CCN4: variants seen among roughly 807,000 people sequenced by gnomAD.
CCN4 encodes cellular communication network factor 4, also known as CCN family member 4.
In CCN4, 30 loss-of-function variants were observed where a neutral mutation model predicts 36.7. That is an observed-to-expected ratio of 0.82 (90% CI 0.61 to 1.11). The LOEUF is 1.11. Ranked by LOEUF, CCN4 falls within the 50% of genes least tolerant of loss-of-function variation. CCN4 has a pLI of 0.00. For synonymous variants in CCN4, 191 were observed against 195.4 expected (o/e 0.98, Z 0.19); for missense variants, 505 against 504.9 (o/e 1.00, Z 0.00).
intron 1 of CCN4, among the ~76,000 whole-genome samples, chr8:133,196,017 G>A (rs1853369826): frequency 6.6e-6 from 1 of 152,200 alleles, no homozygotes; most frequent in Non-Finnish European, 1.5e-5. Flanking sequence ...ACCACAACCA[G>A]GAAGCAAAGC....
In CCN4 at chr8:133,225,477, G is replaced by T; in HGVS notation, c.698G>T (p.Gly233Val). Residue 233 changes from glycine (G) to valine (V), a missense_variant, in exon 4 of 5, where the codon GGG (glycine) becomes GTG (valine). Coordinates refer to ENST00000250160, the MANE Select transcript of CCN4 (RefSeq NM_003882.4). ...CCTTGCTCCACCAGCTGCGGCCTGG[G>T]GGTCTCCACTCGGATCTCCAATGTT... ...WSPCSTSCGL[G>V]VSTRISNVNA... 6.2e-7 allele frequency: 1 copy of T among 1,614,124 alleles called. No homozygotes were observed. Among genetic ancestry groups the T allele is most frequent in the Non-Finnish European group, 8.5e-7 (1 of 1,180,004 alleles).
At chr8:133,225,330 G>A (rs1003432151) in intron 3 of CCN4, 60 bp from the exon 4 acceptor site, 13 of 1,501,328 alleles carry the variant, frequency 8.7e-6, no homozygotes, top group Non-Finnish European at 1.2e-5. Flanking sequence ...TGTGGTGAAA[G>A]TGAGGGTTGG....
intron 1 of CCN4, among the ~76,000 whole-genome samples, chr8:133,194,231 T>G (rs920263567): frequency 6.8e-6 from 1 of 147,390 alleles, no homozygotes; most frequent in Non-Finnish European, 1.5e-5. Context: ...GTGTGTGGGG[T>G]GGGGTGTGTT....
intron 1 of CCN4, among the ~76,000 whole-genome samples, chr8:133,208,827 C>T (rs559160176): frequency 6.6e-6 from 1 of 152,322 alleles, no homozygotes; most frequent in South Asian, 2.1e-4. Context: ...GCTTGGCTCT[C>T]ACACTGCATC....
chr8:133,201,943 C>T (rs985975754), intron 1 of CCN4, among the ~76,000 whole-genome samples: 13 of 152,058 alleles, frequency 8.5e-5, no homozygotes, highest in South Asian at 2.1e-4. Context: ...TCAAAGCTGC[C>T]GATGCGTATG....
intron 1 of CCN4, among the ~76,000 whole-genome samples, chr8:133,194,729 A>ATTTT (rs1853291039): frequency 4.9e-5 from 1 of 20,310 alleles, no homozygotes; most frequent in Non-Finnish European, 8.6e-5. Flanking sequence ...GGATGTGTGT[A>ATTTT]GTGTGTGTGT....
chr8:133,209,259 T>C (rs4330674), intron 1 of CCN4, among the ~76,000 whole-genome samples: 85,803 of 152,004 alleles, frequency 0.56, 24,700 homozygotes, highest in East Asian at 0.82. Context: ...CAGACCCAAA[T>C]CCTAGGTAAG....
chr8:133,225,980 A>G (rs1304626827), intron 4 of CCN4, among the ~76,000 whole-genome samples: 1 of 152,196 alleles, frequency 6.6e-6, no homozygotes, highest in African/African-American at 2.4e-5. Context: ...CCCTAGAGTC[A>G]AATGTCTGCT....
chr8:133,194,816 G>A (rs992329570), intron 1 of CCN4, among the ~76,000 whole-genome samples: 1 of 142,664 alleles, frequency 7.0e-6, no homozygotes, highest in African/African-American at 2.6e-5. Flanking sequence ...ATTGTGTGTG[G>A]TGTGTGTGGT....
intron 2 of CCN4, among the ~76,000 whole-genome samples, chr8:133,217,509 G>C (rs1188972901): frequency 6.6e-6 from 1 of 152,192 alleles, no homozygotes; most frequent in Non-Finnish European, 1.5e-5. Flanking sequence ...TGATTAGTTA[G>C]AAACTTAATG....
chr8:133,209,360 T>C (rs1452713960), intron 1 of CCN4, among the ~76,000 whole-genome samples: 1 of 152,232 alleles, frequency 6.6e-6, no homozygotes, highest in Non-Finnish European at 1.5e-5. Context: ...GCAGTCCTCA[T>C]GCCCTGGGGT....
At chr8:133,197,528 C>G (rs56387614) in intron 1 of CCN4, among the ~76,000 whole-genome samples, 13,141 of 152,170 alleles carry the variant, frequency 0.086, 1,844 homozygotes, top group African/African-American at 0.29. Flanking sequence ...GTCTCCCCCC[C>G]AGCTCTGACA....
At chr8:133,206,017 G>T (rs1180729032) in intron 1 of CCN4, among the ~76,000 whole-genome samples, 1 of 152,170 alleles carries the variant, frequency 6.6e-6, no homozygotes, top group East Asian at 1.9e-4. Flanking sequence ...GCCAGGTGTG[G>T]CTTAGGGGCC....
At chr8:133,197,655 T>A (rs1227878775) in intron 1 of CCN4, among the ~76,000 whole-genome samples, 2 of 152,056 alleles carry the variant, frequency 1.3e-5, no homozygotes, top group Non-Finnish European at 2.9e-5. Context: ...TTCCAGGGGA[T>A]GCGATAAAAT....
chr8:133,192,733 G>A (rs143843513), intron 1 of CCN4, among the ~76,000 whole-genome samples: 4 of 152,320 alleles, frequency 2.6e-5, no homozygotes, highest in Non-Finnish European at 4.4e-5. Flanking sequence ...AAAGGTGAGC[G>A]TTTGAGAGAA....
intron 1 of CCN4, among the ~76,000 whole-genome samples, chr8:133,201,391 A>G (rs1041464291): frequency 6.6e-6 from 1 of 152,240 alleles, no homozygotes; most frequent in East Asian, 1.9e-4. Flanking sequence ...TGGACTGGGT[A>G]TTAACTAGAG....
intron 2 of CCN4, among the ~76,000 whole-genome samples, chr8:133,217,915 G>A (rs1588200331): frequency 2.1e-5 from 1 of 48,118 alleles, no homozygotes; most frequent in African/African-American, 9.3e-5. Context: ...ACAGAGTTCC[G>A]GGCTTAGCCC....
At chr8:133,202,534 C>G (rs1468418606) in intron 1 of CCN4, among the ~76,000 whole-genome samples, 1 of 152,152 alleles carries the variant, frequency 6.6e-6, no homozygotes. Flanking sequence ...CCCCTTGTAC[C>G]CTCATCATGT....
chr8:133,214,568 CGGGTAT>C (rs1854248323), intron 2 of CCN4, among the ~76,000 whole-genome samples: 3 of 151,982 alleles, frequency 2.0e-5, no homozygotes, highest in Admixed American at 6.6e-5. Context: ...TGCTCCATCA[CGGGTAT>C]TCTATCCTTT....
Sources: gnomAD v4.1 joint callset for allele counts (sites outside exome capture counted in the v4.1 genomes callset) on GRCh38, gnomAD v4.1.1 for gene constraint, MANE v1.5 for transcripts, NCBI Gene and HGNC (gene_info 2026-07-23, HGNC 2026-07-21) for gene names.